TESK1: variants seen among roughly 807,000 people sequenced by gnomAD.
TESK1 encodes the protein testis associated actin remodelling kinase 1.
Under a neutral mutation model 59.9 loss-of-function variants are expected in TESK1, and 18 were observed. The observed-to-expected ratio is 0.30, with a 90% CI of 0.21 to 0.45. The LOEUF (loss-of-function observed/expected upper bound fraction) is 0.45, where lower values mean the gene tolerates loss of function less well. Among genes scored for constraint, TESK1 ranks in the 20% least tolerant of loss-of-function variants. The pLI, the probability that TESK1 is intolerant of heterozygous loss-of-function variation, is 1.00. For synonymous variants in TESK1, 341 were observed against 357.4 expected (o/e 0.95, Z 0.52); for missense variants, 748 against 840.9 (o/e 0.89, Z 1.37).
chr9:35,607,518 C>G lies in TESK1; in HGVS notation c.621-64C>G. ...GGGAACGGAGGGAGTTCACCTCATCCCCTTTTGCCTGGGGGGGATGCCTGA... is the reference window on the plus strand; with the variant it reads ...GGGAACGGAGGGAGTTCACCTCATCGCCTTTTGCCTGGGGGGGATGCCTGA... On this transcript the variant is annotated intron_variant, in intron 5 of 9. Coordinates refer to ENST00000336395, the MANE Select transcript of TESK1 (RefSeq NM_006285.3). The surrounding 1 kb of genome is among the most constrained non-coding windows in gnomAD (Gnocchi z 4.5). The G allele has an allele frequency of 6.3e-7, 1 of 1,579,800 alleles. No individual in the cohort carries two copies. Among genetic ancestry groups the G allele is most frequent in the Non-Finnish European group, 8.7e-7 (1 of 1,149,552 alleles).
At position 35,609,584 on chromosome 9, in the gene TESK1, C is replaced by A; in HGVS notation, c.1723C>A (p.Pro575Thr). 1 of 1,613,536 alleles carries A rather than the reference C, an allele frequency of 6.2e-7. No individual in the cohort carries two copies. The highest frequency in any genetic ancestry group is 8.5e-7 in the Non-Finnish European group (1 of 1,179,938). Reference sequence around the variant, plus strand: ...GCCCTGTCCTGGCTGCTGCCTCGGCCCCTTCAGCTTTGGCTTCCTGTCCAT... The same window carrying A: ...GCCCTGTCCTGGCTGCTGCCTCGGCACCTTCAGCTTTGGCTTCCTGTCCAT... ...GLPCPGCCLGPFSFGFLSMCP... is the reference protein window; with the variant it reads ...GLPCPGCCLGTFSFGFLSMCP... The change falls in exon 10 of 10, where the codon CCC becomes ACC. Residue 575 changes from proline to threonine, a missense_variant. Transcript: ENST00000336395. This position sits in a 1 kb window ranked among gnomAD's most constrained non-coding sequence, Gnocchi z 6.7.
chr9:35,608,098 T>G (rs746081833), intron 7 of TESK1, 62 bp from the exon 8 acceptor site: 6 of 1,609,082 alleles, frequency 3.7e-6, no homozygotes, highest in Non-Finnish European at 3.4e-6. Flanking sequence ...AGGTTCTGAC[T>G]GGGGAGCAGA....
At position 35,609,604 on chromosome 9, in the gene TESK1, G is replaced by T. The variant is rs529352747; in HGVS notation, c.1743G>T (p.Leu581=). 2.7e-5 allele frequency: 43 copies of T among 1,612,438 alleles called. 1 individual carries two copies. In the South Asian group the frequency reaches 4.7e-4, roughly 18 times the overall value. ...TCGGCCCCTTCAGCTTTGGCTTCCT[G>T]TCCATGTGCCCCCGCCCCACACCAG... The part of the protein sequence containing the change: ...CCLGPFSFGF[L]SMCPRPTPAV... Residue 581 remains leucine (L), a synonymous_variant, in exon 10 of 10, where the codon CTG becomes CTT. Coordinates refer to ENST00000336395, the MANE Select transcript of TESK1 (RefSeq NM_006285.3). This position sits in a 1 kb window ranked among gnomAD's most constrained non-coding sequence, Gnocchi z 6.7.
intron 8 of TESK1, 71 bp from the exon 9 acceptor site, chr9:35,608,324 G>A (rs1822890103): frequency 6.2e-7 from 1 of 1,608,804 alleles, no homozygotes; most frequent in Non-Finnish European, 8.5e-7. Context: ...GTGGGACCCA[G>A]GTGATGGGAG....
In TESK1 at chr9:35,606,218, C is replaced by T; in HGVS notation, c.342-19C>T. The T allele has an allele frequency of 6.2e-7, 1 of 1,614,202 alleles. No individual in the cohort carries two copies. Among genetic ancestry groups the T allele is most frequent in the Non-Finnish European group, 8.5e-7 (1 of 1,180,026 alleles). On this transcript the variant is annotated intron_variant, in intron 2 of 9. Coordinates refer to ENST00000336395, the MANE Select transcript of TESK1 (RefSeq NM_006285.3). Reference sequence around the variant, plus strand: ...GGCCTTTAATAGCCTATCCTTCTATCTTCCCCATCCTCTTGCAGGTTCATG... The same window carrying T: ...GGCCTTTAATAGCCTATCCTTCTATTTTCCCCATCCTCTTGCAGGTTCATG...
At position 35,605,702 on chromosome 9, in the gene TESK1, G is replaced by A. The variant is rs748026004; in HGVS notation, c.83G>A (p.Gly28Asp). The change falls in exon 1 of 10, where the codon GGC (glycine) becomes GAC (aspartate). Residue 28 changes from glycine (G) to aspartate (D), a missense_variant. By Grantham distance (94) the Gly-to-Asp change is moderately conservative. Transcript: ENST00000336395. ...GGGGAGGGGCCCCCGGGGCCGGGGG[G>A]CACGGGCGGAGGCCCGGGCCGGGGC... ...VPGEGPPGPG[G>D]TGGGPGRGRP... is the part of the protein sequence containing the mutation. The A allele has an allele frequency of 8.0e-6, 12 of 1,506,408 alleles. No homozygotes were observed. The Admixed American group carries it at 9.3e-5, about 12-fold the overall frequency. 93.3% of individuals were successfully genotyped at this position (1,506,408 alleles called of 1,614,324 possible).
At position 35,606,851 on chromosome 9, in the gene TESK1, G is replaced by A. The variant is rs564093059; in HGVS notation, c.405G>A (p.Gly135=). 1.9e-6 allele frequency: 3 copies of A among 1,608,798 alleles called. No individual in the cohort carries two copies. Among genetic ancestry groups the A allele is most frequent in the Admixed American group, 3.4e-5 (2 of 58,732 alleles). ...CTATGCACCAGTATATGAATGGGGGGACATTGGAACAGCTGCTCAGCTCCC... is the reference window on the plus strand; with the variant it reads ...CTATGCACCAGTATATGAATGGGGGAACATTGGAACAGCTGCTCAGCTCCC... ...LHALTEYMNG[G]TLEQLLSSPE... Residue 135 remains glycine, a synonymous_variant, in exon 4 of 10, where the codon GGG becomes GGA. Transcript: ENST00000336395.
At chr9:35,606,411 T>C in intron 3 of TESK1, 126 bp downstream of exon 3, 2 of 1,109,410 alleles carry the variant, frequency 1.8e-6, no homozygotes, top group Non-Finnish European at 2.7e-6. Context: ...CAGGGGAGGC[T>C]TTCCTGAACT....
rs760116027 is a variant in TESK1 at position 35,609,190 on chromosome 9, G to A, written c.1329G>A (p.Glu443=). Residue 443 remains glutamate (E), a synonymous_variant, in exon 10 of 10, where the codon GAG becomes GAA. Transcript: ENST00000336395. This position sits in a 1 kb window ranked among gnomAD's most constrained non-coding sequence, Gnocchi z 6.7. ...GCCGCTCACTACCCTCATCCCCCGA[G>A]CTCCCCCGCCGTATGGAGACAGCAC... is the stretch of plus-strand genomic sequence containing the variant. The part of the protein sequence containing the change: ...RRCRSLPSSP[E]LPRRMETALP... 4 of 1,613,358 alleles carry A rather than the reference G, an allele frequency of 2.5e-6. No homozygotes were observed. Among genetic ancestry groups the A allele is most frequent in the Non-Finnish European group, 3.4e-6 (4 of 1,179,988 alleles).
In TESK1 at chr9:35,609,435, C is replaced by A; in HGVS notation, c.1574C>A (p.Ser525Tyr). 1 of 1,608,716 alleles carries A rather than the reference C, an allele frequency of 6.2e-7. No homozygotes were observed. Among genetic ancestry groups the A allele is most frequent in the Non-Finnish European group, 8.5e-7 (1 of 1,177,198 alleles). ...AATCCCCCAGCTGTGGTGGTGAACTCCCCACAAGGCTGGGCTGGGGAGCCC... is the reference window on the plus strand; with the variant it reads ...AATCCCCCAGCTGTGGTGGTGAACTACCCACAAGGCTGGGCTGGGGAGCCC... ...NNNPPAVVVNSPQGWAGEPWN... is the reference protein window; with the variant it reads ...NNNPPAVVVNYPQGWAGEPWN... Residue 525 changes from serine (S) to tyrosine (Y), a missense_variant, in exon 10 of 10, where the codon TCC becomes TAC. By Grantham distance (144) the Ser-to-Tyr change is moderately radical. This residue lies in a region of TESK1 where 447 missense variants were observed against 466.1 expected (regional missense o/e 0.96). Coordinates refer to ENST00000336395, the MANE Select transcript of TESK1 (RefSeq NM_006285.3). This position sits in a 1 kb window ranked among gnomAD's most constrained non-coding sequence, Gnocchi z 6.7.
Position 35,607,196 on chromosome 9 carries a change from G to A in TESK1, c.538-131G>A. 5.3e-6 allele frequency: 7 copies of A among 1,330,200 alleles called. No homozygotes were observed. Among genetic ancestry groups the A allele is most frequent in the African/African-American group, 2.9e-5 (2 of 69,854 alleles). 82.4% of individuals were successfully genotyped at this position (1,330,200 alleles called of 1,614,324 possible). Reference sequence around the variant, plus strand: ...TGTTGGATGATGTTGCAATATTGAAGTGCCTTGAAAAACTGGGAGAGCAGA... The same window carrying A: ...TGTTGGATGATGTTGCAATATTGAAATGCCTTGAAAAACTGGGAGAGCAGA... On this transcript the variant is annotated intron_variant, in intron 4 of 9. Coordinates refer to ENST00000336395, the MANE Select transcript of TESK1 (RefSeq NM_006285.3). This position sits in a 1 kb window ranked among gnomAD's most constrained non-coding sequence, Gnocchi z 4.5.
At position 35,605,652 on chromosome 9, in the gene TESK1, T is replaced by TA; in HGVS notation, c.33_34insA (p.Gly12ArgfsTer39). On this transcript the variant is annotated frameshift_variant, in exon 1 of 10. Transcript: ENST00000336395. LOFTEE classifies it high-confidence loss of function. ...GGGAACGGCCCCCACTGCGGGGCCC[T>TA]GGGCCCGGGCCTGGAGAGGTGCCGG... 8.0e-7 allele frequency: 1 copy of TA among 1,246,716 alleles called. No homozygotes were observed. The highest frequency in any genetic ancestry group is 1.0e-6 in the Non-Finnish European group (1 of 994,198). The allele number at this position is 1,246,716 out of a possible 1,614,324, so 77.2% of individuals were successfully genotyped here.
rs1822886711 is a variant in TESK1 at position 35,608,150 on chromosome 9, GT to G, written c.796-9del. ...AGCTGACTTGGAGGTCCCTCCTTCT[GT>G]CCCCACAGGACTTTGGCCTGGATGT... On this transcript the variant is annotated splice_polypyrimidine_tract_variant and intron_variant, in intron 7 of 9. Transcript: ENST00000336395. 6.2e-7 allele frequency: 1 copy of G among 1,614,002 alleles called. No homozygotes were observed. The highest frequency in any genetic ancestry group is 8.5e-7 in the Non-Finnish European group (1 of 1,179,900).
At chr9:35,605,936 GCGACCCGCC>G in intron 1 of TESK1, 39 bp from the exon 2 acceptor site, 2 of 1,609,654 alleles carry the variant, frequency 1.2e-6, no homozygotes, top group Non-Finnish European at 1.7e-6. Flanking sequence ...CCAGACTCCG[GCGACCCGCC>G]CGACCTGCCC....
Position 35,609,825 on chromosome 9 carries a change from A to G in TESK1, c.*83A>G, listed in dbSNP as rs923384840. On this transcript the variant is annotated 3_prime_UTR_variant, in exon 10 of 10. Transcript: ENST00000336395. The surrounding 1 kb of genome is among the most constrained non-coding windows in gnomAD (Gnocchi z 6.7). ...CAGAGCACACTTGCTGGACAGTGCCAGTTCCAGATGGGCTGACCGGCTCTT... is the reference window on the plus strand; with the variant it reads ...CAGAGCACACTTGCTGGACAGTGCCGGTTCCAGATGGGCTGACCGGCTCTT... 2 of 1,414,402 alleles carry G rather than the reference A, an allele frequency of 1.4e-6. No individual in the cohort carries two copies. Among genetic ancestry groups the G allele is most frequent in the Admixed American group, 5.3e-5 (2 of 37,906 alleles). 87.6% of individuals were successfully genotyped at this position (1,414,402 alleles called of 1,614,324 possible).
At position 35,608,854 on chromosome 9, in the gene TESK1, A is replaced by G. The variant is rs2131747420; in HGVS notation, c.1001-8A>G. The G allele has an allele frequency of 6.4e-7, 1 of 1,568,792 alleles. No individual in the cohort carries two copies. The highest frequency in any genetic ancestry group is 8.6e-7 in the Non-Finnish European group (1 of 1,157,288). On this transcript the variant is annotated splice_polypyrimidine_tract_variant and splice_region_variant and intron_variant, in intron 9 of 9. Transcript: ENST00000336395. Reference sequence around the variant, plus strand: ...GAGGACAGTGATTCCAGACTTCTCTATCTACAGGCTCTGTTGCAAGAGGGG... The same window carrying G: ...GAGGACAGTGATTCCAGACTTCTCTGTCTACAGGCTCTGTTGCAAGAGGGG...
In TESK1 at chr9:35,605,306, C is replaced by A. The variant is rs1587894149; in HGVS notation, c.-314C>A. ...CTAAGCGGAGCAGCCGCCGCCCGCC[C>A]GCCCGCCCGCCTCCGCCCGCGGCAA... On this transcript the variant is annotated 5_prime_UTR_variant, in exon 1 of 10. Transcript: ENST00000336395. 1 of 148,206 alleles carries A rather than the reference C, an allele frequency of 6.7e-6. No homozygotes were observed. The highest frequency in any genetic ancestry group is 1.8e-4 in the South Asian group (1 of 5,534). The allele number at this position is 148,206 out of a possible 1,614,324, so 9.2% of individuals were successfully genotyped here.
chr9:35,606,393 TCTC>T, intron 3 of TESK1, 108 bp downstream of exon 3: 1 of 1,372,586 alleles, frequency 7.3e-7, no homozygotes, highest in Non-Finnish European at 1.0e-6. Context: ...GGCAACAGGA[TCTC>T]CTCTCAGGGG....
At position 35,606,298 on chromosome 9, in the gene TESK1, C is replaced by T. The variant is rs375002656; in HGVS notation, c.390+13C>T. 4 of 1,613,462 alleles carry T rather than the reference C, an allele frequency of 2.5e-6. No individual in the cohort carries two copies. In the African/African-American group the frequency reaches 5.3e-5, roughly 22 times the overall value. On this transcript the variant is annotated intron_variant, in intron 3 of 9. Coordinates refer to ENST00000336395, the MANE Select transcript of TESK1 (RefSeq NM_006285.3). ...CGCTCTTACAGAGGTGAGGATAGGC[C>T]AGGAAGGAGGGATCCCCACCCCCCT...
Sources: allele counts gnomAD v4.1 joint callset, GRCh38; gene constraint gnomAD v4.1.1; regional missense constraint gnomAD v4.1.1; non-coding constraint Gnocchi (gnomAD v3.1); transcripts MANE v1.5; gene names NCBI Gene and HGNC (gene_info 2026-07-23, HGNC 2026-07-21).